The following SRL variants were observed in gnomAD, a reference collection of about 807,000 sequenced individuals.
SRL encodes the protein sarcalumenin.
A neutral mutation model predicts 39.5 loss-of-function variants in SRL; 23 were observed. That is an observed-to-expected ratio of 0.58 (90% CI 0.42 to 0.82). The LOEUF is 0.82. SRL is among the 40% of genes least tolerant of loss of function. SRL has a pLI of 0.00. For missense variants in SRL, 592 were observed against 607.8 expected (o/e 0.97, Z 0.27); for synonymous variants, 272 against 237.4 (o/e 1.15, Z -1.34).
At chr16:4,205,945 C>CAAA (rs5815198) in intron 1 of SRL, among the ~76,000 whole-genome samples, 1 of 146,556 alleles carries the variant, frequency 6.8e-6, no homozygotes, top group African/African-American at 2.5e-5. Context: ...GACCTTGTCT[C>CAAA]AAAAAAAAAA....
intron 4 of SRL, among the ~76,000 whole-genome samples, chr16:4,197,297 T>G (rs1419939253): frequency 1.3e-5 from 2 of 151,672 alleles, no homozygotes; most frequent in African/African-American, 4.8e-5. Flanking sequence ...CTCGAACTCC[T>G]GACCTCAGGT....
chr16:4,238,016 C>T (rs1477964961), intron 1 of SRL, among the ~76,000 whole-genome samples: 1 of 152,202 alleles, frequency 6.6e-6, no homozygotes, highest in Non-Finnish European at 1.5e-5. Context: ...GACAAAATGC[C>T]TGTCTCAATT....
intron 1 of SRL, among the ~76,000 whole-genome samples, chr16:4,210,486 C>CT (rs555999418): frequency 0.45 from 45,691 of 102,332 alleles, 11,754 homozygotes; most frequent in East Asian, 0.69. Flanking sequence ...TTACTCATAT[C>CT]TTTTTTTTTT....
At chr16:4,235,899 C>A (rs1181794803) in intron 1 of SRL, among the ~76,000 whole-genome samples, 1 of 151,918 alleles carries the variant, frequency 6.6e-6, no homozygotes, top group Non-Finnish European at 1.5e-5. Flanking sequence ...CCAGCCTGAC[C>A]AACATGGAGA....
Position 4,191,458 on chromosome 16 carries a change from C to A in SRL, c.*695G>T, listed in dbSNP as rs1460071618. ...TGAAGTCCCGTTTCTACTAAAAATA[C>A]AAAAATTGGCTGGGCATGGTGGTAG... On this transcript the variant is annotated 3_prime_UTR_variant, in exon 6 of 6. Coordinates refer to ENST00000399609, the MANE Select transcript of SRL (RefSeq NM_001098814.2). 6.6e-6 allele frequency: 1 copy of A among 152,274 alleles called. No individual in the cohort carries two copies. Among genetic ancestry groups the A allele is most frequent in the Admixed American group, 6.5e-5 (1 of 15,268 alleles). 9.4% of individuals were successfully genotyped at this position (152,274 alleles called of 1,614,324 possible).
At chr16:4,237,284 G>A (rs1217012793) in intron 1 of SRL, among the ~76,000 whole-genome samples, 4 of 152,088 alleles carry the variant, frequency 2.6e-5, no homozygotes, top group Non-Finnish European at 5.9e-5. Context: ...TATGTTCCCA[G>A]TCTATTTTTC....
intron 3 of SRL, among the ~76,000 whole-genome samples, chr16:4,202,222 C>T (rs2052244433): frequency 6.6e-6 from 1 of 152,248 alleles, no homozygotes; most frequent in Non-Finnish European, 1.5e-5. Flanking sequence ...CAACATCCAT[C>T]TATGTGCTCA....
intron 1 of SRL, among the ~76,000 whole-genome samples, chr16:4,214,958 G>A (rs916823941): frequency 6.6e-6 from 1 of 152,010 alleles, no homozygotes; most frequent in East Asian, 1.9e-4. Context: ...AGTAGAGACA[G>A]GGTTTCACCA....
intron 1 of SRL, chr16:4,207,361 C>T (rs1418532642): frequency 4.4e-6 from 2 of 456,658 alleles, no homozygotes; most frequent in Non-Finnish European, 8.8e-6. Context: ...GGGCCGGGCT[C>T]CCCCTGGTCC....
intron 1 of SRL, among the ~76,000 whole-genome samples, chr16:4,209,491 AC>A (rs966595556): frequency 6.6e-6 from 1 of 150,852 alleles, no homozygotes; most frequent in African/African-American, 2.4e-5. Context: ...GATGCAGACA[AC>A]CCCCCTCTCT....
At chr16:4,213,404 C>CTTTTTCTTTTTCTTTTTCTT (rs1237775177) in intron 1 of SRL, among the ~76,000 whole-genome samples, 2 of 69,584 alleles carry the variant, frequency 2.9e-5, no homozygotes, top group African/African-American at 1.6e-4. Context: ...TTTTCTTTTT[C>CTTTTTCTTTTTCTTTTTCTT]TTTTTTTTTT....
intron 1 of SRL, among the ~76,000 whole-genome samples, chr16:4,229,599 G>A (rs984522650): frequency 6.6e-6 from 1 of 152,034 alleles, no homozygotes; most frequent in Admixed American, 6.6e-5. Context: ...TGGACATAAA[G>A]AGGGGAACAA....
chr16:4,197,683 C>G, intron 4 of SRL, 116 bp downstream of exon 4: 2 of 841,752 alleles, frequency 2.4e-6, no homozygotes, highest in Non-Finnish European at 4.0e-6. Flanking sequence ...GCCTTGGCCT[C>G]CCAATGTGCT....
intron 3 of SRL, among the ~76,000 whole-genome samples, chr16:4,201,287 CTTTTTT>C (rs35323508): frequency 1.3e-5 from 2 of 150,534 alleles, no homozygotes; most frequent in African/African-American, 4.9e-5. Flanking sequence ...CTATTTTTTT[CTTTTTT>C]TGAGATGGAG....
chr16:4,239,294 C>G (rs2052746234), intron 1 of SRL, among the ~76,000 whole-genome samples: 1 of 152,226 alleles, frequency 6.6e-6, no homozygotes, highest in Non-Finnish European at 1.5e-5. Flanking sequence ...GCAGCCCCAG[C>G]ATGCACCAGC....
In SRL at chr16:4,221,615, G is replaced by A. The variant is rs541891004; in HGVS notation, c.62-16981C>T. Among the ~76,000 whole-genome samples the A allele has an allele frequency of 3.6e-4, 55 of 152,328 alleles. 1 individual carries two copies. The highest frequency in any genetic ancestry group is 1.3e-3 in the African/African-American group (52 of 41,582). ...TCCCACTCAGCCCTGGTCAAAAAAG[G>A]CCCAGATCCCTGCACTGATGCCTGA... On this transcript the variant is annotated intron_variant, in intron 1 of 5. Transcript: ENST00000399609.
chr16:4,201,466 A>G (rs897246771), intron 3 of SRL, among the ~76,000 whole-genome samples: 13 of 149,634 alleles, frequency 8.7e-5, no homozygotes, highest in Admixed American at 2.0e-4. Context: ...TAGTAGAGGC[A>G]GGGTTCTGCC....
intron 1 of SRL, chr16:4,207,850 G>A (rs1384744978): frequency 6.6e-6 from 3 of 456,392 alleles, no homozygotes; most frequent in Non-Finnish European, 1.3e-5. Context: ...CCAGGTGGAG[G>A]TGACTCTGTG....
chr16:4,199,278 T>C (rs1369974098), intron 3 of SRL, among the ~76,000 whole-genome samples: 3 of 151,978 alleles, frequency 2.0e-5, no homozygotes, highest in African/African-American at 7.2e-5. Flanking sequence ...CCCCCTGGAA[T>C]AGGTAACCAC....
Sources: gnomAD v4.1 joint callset for allele counts (sites outside exome capture counted in the v4.1 genomes callset) on GRCh38, gnomAD v4.1.1 for gene constraint, MANE v1.5 for transcripts, NCBI Gene and HGNC (gene_info 2026-07-23, HGNC 2026-07-21) for gene names.